Variants in ARHGAP17 observed in about 807,000 individuals in gnomAD.
The protein encoded by ARHGAP17 is Rho GTPase activating protein 17.
Under a neutral mutation model 99.5 loss-of-function variants are expected in ARHGAP17, and 57 were observed. That is an observed-to-expected ratio of 0.57 (90% CI 0.46 to 0.71). ARHGAP17 has a LOEUF of 0.71. Among genes scored for constraint, ARHGAP17 ranks in the 30% least tolerant of loss-of-function variants. ARHGAP17 has a pLI of 0.00. For missense variants in ARHGAP17, 1,000 were observed against 1,122.4 expected (o/e 0.89, Z 1.56); for synonymous variants, 417 against 429.6 (o/e 0.97, Z 0.36).
intron 7 of ARHGAP17, among the ~76,000 whole-genome samples, chr16:24,963,083 T>A (rs2052059788): frequency 6.6e-6 from 1 of 152,202 alleles, no homozygotes; most frequent in African/African-American, 2.4e-5. Context: ...CAAATTTGTG[T>A]GCAATAAGTA....
chr16:24,963,860 ACTT>A (rs759675126), intron 7 of ARHGAP17, among the ~76,000 whole-genome samples: 27 of 152,202 alleles, frequency 1.8e-4, no homozygotes, highest in South Asian at 1.0e-3. Flanking sequence ...ATACAGTTTT[ACTT>A]CTTTTTTCTT....
At position 24,939,356 on chromosome 16, in the gene ARHGAP17, C is replaced by T; in HGVS notation, c.1724+8G>A. Reference sequence around the variant, plus strand: ...GCCTCCACTGCCAGCAGAAGTCAGCCTCCTTACCTGCCGTCGCCTGGGCTC... The same window carrying T: ...GCCTCCACTGCCAGCAGAAGTCAGCTTCCTTACCTGCCGTCGCCTGGGCTC... On this transcript the variant is annotated splice_region_variant and intron_variant, in intron 17 of 19. Coordinates refer to ENST00000289968, the MANE Select transcript of ARHGAP17 (RefSeq NM_001006634.3). 1.3e-6 allele frequency: 2 copies of T among 1,591,972 alleles called. No homozygotes were observed. The highest frequency in any genetic ancestry group is 8.5e-7 in the Non-Finnish European group (1 of 1,175,044).
chr16:24,985,543 G>A (rs1489991124), intron 1 of ARHGAP17, among the ~76,000 whole-genome samples: 7 of 152,160 alleles, frequency 4.6e-5, no homozygotes, highest in African/African-American at 1.7e-4. Context: ...CTCTGACTCT[G>A]CGACCTCCCT....
chr16:25,014,338 A>G (rs73555486), intron 1 of ARHGAP17, among the ~76,000 whole-genome samples: 5,796 of 152,274 alleles, frequency 0.038, 335 homozygotes, highest in African/African-American at 0.13. Flanking sequence ...AGCCCCAGAT[A>G]ATACAGCACA....
At chr16:24,993,016 G>A (rs1338957670) in intron 1 of ARHGAP17, among the ~76,000 whole-genome samples, 1 of 152,012 alleles carries the variant, frequency 6.6e-6, no homozygotes, top group South Asian at 2.1e-4. Flanking sequence ...GTCCACACTG[G>A]TTTCAAACTC....
At chr16:24,978,253 C>A (rs1361380025) in intron 2 of ARHGAP17, among the ~76,000 whole-genome samples, 1 of 152,222 alleles carries the variant, frequency 6.6e-6, no homozygotes, top group Non-Finnish European at 1.5e-5. Context: ...TCCACAAGGA[C>A]AGAAGCCTGG....
intron 19 of ARHGAP17, among the ~76,000 whole-genome samples, chr16:24,922,821 A>G (rs1487520034): frequency 6.6e-6 from 1 of 152,034 alleles, no homozygotes; most frequent in African/African-American, 2.4e-5. Context: ...GACTACAAGC[A>G]TACGCCACCA....
chr16:25,009,235 C>T (rs141231698), intron 1 of ARHGAP17, among the ~76,000 whole-genome samples: 3,501 of 152,226 alleles, frequency 0.023, 117 homozygotes, highest in African/African-American at 0.077. Flanking sequence ...GGCTTGGTGG[C>T]TCATGCCTGT....
chr16:25,004,330 C>G (rs986692774), intron 1 of ARHGAP17, among the ~76,000 whole-genome samples: 5 of 152,184 alleles, frequency 3.3e-5, no homozygotes, highest in Non-Finnish European at 7.4e-5. Flanking sequence ...CCCCCAGGCA[C>G]ATCTCAGAGA....
At chr16:24,984,462 C>T (rs7191879) in intron 1 of ARHGAP17, among the ~76,000 whole-genome samples, 5,692 of 151,916 alleles carry the variant, frequency 0.037, 343 homozygotes, top group African/African-American at 0.13. Flanking sequence ...GTCAGGAGAT[C>T]GAGACCACGG....
chr16:24,952,355 T>C lies in ARHGAP17; in HGVS notation c.980A>G (p.Tyr327Cys). 6.2e-7 allele frequency: 1 copy of C among 1,613,252 alleles called. No homozygotes were observed. Among genetic ancestry groups the C allele is most frequent in the Non-Finnish European group, 8.5e-7 (1 of 1,179,630 alleles). ...PHAVAGALKS[Y>C]LRELPEPLMT... ...CAAAGGTTCAGGCAATTCCCGTAAA[T>C]AGGATTTTAAAGCACCTGAAATCAT... is the stretch of plus-strand genomic sequence containing the variant. The change falls in exon 12 of 20, where the codon TAT becomes TGT. Residue 327 changes from tyrosine (Y) to cysteine (C), a missense_variant. Tyr to Cys is a radical substitution (Grantham distance 194). Coordinates refer to ENST00000289968, the MANE Select transcript of ARHGAP17 (RefSeq NM_001006634.3).
chr16:24,975,505 G>A (rs759754718), intron 3 of ARHGAP17, among the ~76,000 whole-genome samples: 33 of 152,306 alleles, frequency 2.2e-4, no homozygotes, highest in South Asian at 2.1e-4. Context: ...GTCTGGTTCC[G>A]AGGGACAGAG....
intron 9 of ARHGAP17, 88 bp downstream of exon 9, chr16:24,959,583 T>G: frequency 7.9e-7 from 1 of 1,262,718 alleles, no homozygotes; most frequent in South Asian, 1.4e-5. Context: ...CCCAAGGACG[T>G]GCATGCAGAG....
chr16:24,982,750 G>A (rs1037934643), intron 1 of ARHGAP17, among the ~76,000 whole-genome samples: 3 of 151,464 alleles, frequency 2.0e-5, no homozygotes, highest in African/African-American at 4.9e-5. Flanking sequence ...TTCCACTATC[G>A]GCCAAGGTGC....
chr16:24,977,066 TG>T, intron 3 of ARHGAP17, 148 bp downstream of exon 3: 2 of 456,184 alleles, frequency 4.4e-6, no homozygotes, highest in Non-Finnish European at 7.4e-6. Flanking sequence ...AAGAATGCTA[TG>T]GTCACGCAGG....
intron 1 of ARHGAP17, among the ~76,000 whole-genome samples, chr16:25,008,629 T>C (rs1049958716): frequency 6.6e-6 from 1 of 152,200 alleles, no homozygotes; most frequent in African/African-American, 2.4e-5. Context: ...CTGACAAAAA[T>C]GCACGGTGCA....
intron 2 of ARHGAP17, among the ~76,000 whole-genome samples, chr16:24,978,049 T>C (rs1039837994): frequency 6.6e-5 from 10 of 152,226 alleles, no homozygotes; most frequent in South Asian, 2.1e-4. Context: ...TCCAAGCCCA[T>C]AGCCCCAGGA....
At chr16:24,992,959 T>A (rs2053092056) in intron 1 of ARHGAP17, among the ~76,000 whole-genome samples, 1 of 152,040 alleles carries the variant, frequency 6.6e-6, no homozygotes, top group South Asian at 2.1e-4. Context: ...ACCACCACAC[T>A]CATCTAATTT....
intron 1 of ARHGAP17, among the ~76,000 whole-genome samples, chr16:25,014,685 C>T (rs1019070686): frequency 6.6e-6 from 1 of 152,246 alleles, no homozygotes; most frequent in African/African-American, 2.4e-5. Context: ...CTGAGCAAAT[C>T]CGGCTGGCTT....
Sources: allele counts gnomAD v4.1 joint callset (sites outside exome capture counted in the v4.1 genomes callset), GRCh38; gene constraint gnomAD v4.1.1; transcripts MANE v1.5; gene names NCBI Gene and HGNC (gene_info 2026-07-23, HGNC 2026-07-21).